Variants in GALNT10 observed in about 807,000 individuals in gnomAD.
GALNT10 encodes GalNAc transferase 10.
A neutral mutation model predicts 75.0 loss-of-function variants in GALNT10; 41 were observed. The ratio of observed to expected loss-of-function variants is 0.55; its 90% CI spans 0.43 to 0.71. The LOEUF (loss-of-function observed/expected upper bound fraction) is 0.71. GALNT10 is among the 30% of genes least tolerant of loss of function. The probability of loss-of-function intolerance (pLI) is 0.00; values close to 1 mark genes in which losing one functional copy is unlikely to be tolerated. For synonymous variants in GALNT10, 302 were observed against 313.0 expected, an observed-to-expected ratio of 0.96 and a Z score of 0.37; for missense variants, 727 against 818.5, an observed-to-expected ratio of 0.89 and a Z score of 1.36.
chr5:154,289,692 T>G (rs1013002881), intron 1 of GALNT10, among the ~76,000 whole-genome samples: 4 of 152,212 alleles, frequency 2.6e-5, no homozygotes, highest in African/African-American at 9.7e-5. Context: ...GAGAATGTGT[T>G]TTCTAAAAAA....
intron 7 of GALNT10, chr5:154,387,672 C>T (rs1467772915): frequency 1.3e-5 from 2 of 152,120 alleles, no homozygotes; most frequent in South Asian, 2.1e-4. Context: ...CGTTAATCCT[C>T]ACAGAGTTGT....
chr5:154,320,363 G>T (rs937946161), intron 3 of GALNT10, among the ~76,000 whole-genome samples: 1 of 152,156 alleles, frequency 6.6e-6, no homozygotes, highest in Non-Finnish European at 1.5e-5. Flanking sequence ...GTGTCTAACT[G>T]CAGGCTGTGG....
chr5:154,389,068 T>C (rs1384072215), intron 7 of GALNT10: 1 of 151,950 alleles, frequency 6.6e-6, no homozygotes, highest in Non-Finnish European at 1.5e-5. Flanking sequence ...ATATGCATTC[T>C]GAGGCTGCTT....
At chr5:154,377,528 G>T (rs1415968734) in intron 5 of GALNT10, among the ~76,000 whole-genome samples, 2 of 152,208 alleles carry the variant, frequency 1.3e-5, no homozygotes, top group Non-Finnish European at 2.9e-5. Context: ...GCCCGGGGTG[G>T]AGCCTCACAA....
At chr5:154,254,984 G>A (rs977057960) in intron 1 of GALNT10, among the ~76,000 whole-genome samples, 8 of 151,994 alleles carry the variant, frequency 5.3e-5, no homozygotes, top group African/African-American at 1.7e-4. Context: ...AGCAGAGAAG[G>A]GCATCGTTGT....
intron 1 of GALNT10, among the ~76,000 whole-genome samples, chr5:154,199,975 CAT>C (rs1302295503): frequency 1.3e-5 from 2 of 152,188 alleles, no homozygotes; most frequent in Non-Finnish European, 2.9e-5. Flanking sequence ...GGTCAGGTAA[CAT>C]ATCCAGGGCC....
chr5:154,270,063 A>G (rs77931564), intron 1 of GALNT10, among the ~76,000 whole-genome samples: 2,837 of 152,084 alleles, frequency 0.019, 89 homozygotes, highest in African/African-American at 0.065. Context: ...TGAGGTTCCT[A>G]ATGGAGATGA....
At chr5:154,385,308 G>A (rs996074598) in intron 6 of GALNT10, among the ~76,000 whole-genome samples, 1 of 152,188 alleles carries the variant, frequency 6.6e-6, no homozygotes, top group Non-Finnish European at 1.5e-5. Flanking sequence ...GCAGCATGAC[G>A]TTTCCTCACT....
chr5:154,346,336 T>C (rs183709845), intron 4 of GALNT10, among the ~76,000 whole-genome samples: 1 of 152,280 alleles, frequency 6.6e-6, no homozygotes, highest in Non-Finnish European at 1.5e-5. Context: ...GATTGCTGGA[T>C]CATATGGTAG....
chr5:154,297,893 A>G (rs769212386), intron 2 of GALNT10, 48 bp from the exon 3 acceptor site: 1 of 1,557,268 alleles, frequency 6.4e-7, no homozygotes, highest in Non-Finnish European at 8.8e-7. Context: ...CTCCATATAC[A>G]GTACCCCATA....
intron 3 of GALNT10, among the ~76,000 whole-genome samples, chr5:154,315,921 A>G (rs1754589182): frequency 6.6e-6 from 1 of 152,228 alleles, no homozygotes. Context: ...CTACAAGTCC[A>G]TTTTATAAAG....
chr5:154,420,169 G>A lies in GALNT10; in HGVS notation c.*3197G>A, dbSNP rs956458847. 2.0e-5 allele frequency: 3 copies of A among 152,186 alleles called. No individual in the cohort carries two copies. The highest frequency in any genetic ancestry group is 4.4e-5 in the Non-Finnish European group (3 of 68,036). 9.4% of individuals were successfully genotyped at this position (152,186 alleles called of 1,614,324 possible). On this transcript the variant is annotated 3_prime_UTR_variant, in exon 12 of 12. Coordinates refer to ENST00000297107, the MANE Select transcript of GALNT10 (RefSeq NM_198321.4). ...TTAGGAAAAAATGCTCAGGCAGAAC[G>A]GGGTACATCCACAGGAGGAATCGGA...
intron 1 of GALNT10, among the ~76,000 whole-genome samples, chr5:154,258,443 G>A (rs576656570): frequency 6.6e-6 from 1 of 152,280 alleles, no homozygotes; most frequent in East Asian, 1.9e-4. Flanking sequence ...AGTAGACTTG[G>A]CAAGACAAGA....
chr5:154,273,029 A>G (rs181142754), intron 1 of GALNT10, among the ~76,000 whole-genome samples: 1 of 152,196 alleles, frequency 6.6e-6, no homozygotes, highest in East Asian at 1.9e-4. Context: ...GCTGAGGGCG[A>G]GGGGTCAGCT....
chr5:154,222,763 AT>A (rs1263776777), intron 1 of GALNT10, among the ~76,000 whole-genome samples: 1 of 152,148 alleles, frequency 6.6e-6, no homozygotes, highest in Non-Finnish European at 1.5e-5. Flanking sequence ...TTTGTGAAGT[AT>A]CTGTTAAAAT....
In GALNT10 at chr5:154,380,484, C is replaced by G; in HGVS notation, c.791C>G (p.Pro264Arg). 6.2e-7 allele frequency: 1 copy of G among 1,614,020 alleles called. No individual in the cohort carries two copies. The highest frequency in any genetic ancestry group is 8.5e-7 in the Non-Finnish European group (1 of 1,179,972). The stretch of plus-strand genomic sequence containing the variant: ...CGGAACCGCAAGACCATTGTGTGCC[C>G]GATGATTGATGTAATTGACCATGAC... ...IARNRKTIVCPMIDVIDHDDF... is the reference protein window; with the variant it reads ...IARNRKTIVCRMIDVIDHDDF... The change falls in exon 6 of 12, where the codon CCG (proline) becomes CGG (arginine). Residue 264 changes from proline (P) to arginine (R), a missense_variant. Coordinates refer to ENST00000297107, the MANE Select transcript of GALNT10 (RefSeq NM_198321.4).
chr5:154,194,177 A>G (rs189794200), intron 1 of GALNT10, among the ~76,000 whole-genome samples: 1 of 152,352 alleles, frequency 6.6e-6, no homozygotes, highest in African/African-American at 2.4e-5. Flanking sequence ...GATAAATAGC[A>G]TATGTGGAAT....
chr5:154,209,070 C>T (rs983296294), intron 1 of GALNT10, among the ~76,000 whole-genome samples: 1 of 152,202 alleles, frequency 6.6e-6, no homozygotes, highest in Non-Finnish European at 1.5e-5. Flanking sequence ...TGCTACAAAA[C>T]CACCCAAGGG....
At chr5:154,321,838 G>A (rs1432078553) in intron 3 of GALNT10, among the ~76,000 whole-genome samples, 1 of 152,006 alleles carries the variant, frequency 6.6e-6, no homozygotes, top group Non-Finnish European at 1.5e-5. Context: ...GGCACCCACT[G>A]TCACCTCCAG....
Sources: gnomAD v4.1 joint callset for allele counts (sites outside exome capture counted in the v4.1 genomes callset) on GRCh38, gnomAD v4.1.1 for gene constraint, MANE v1.5 for transcripts, NCBI Gene and HGNC (gene_info 2026-07-23, HGNC 2026-07-21) for gene names.